KIF21B: variants seen among roughly 807,000 people sequenced by gnomAD.
KIF21B encodes the protein kinesin-like protein KIF21B.
A neutral mutation model predicts 192.9 loss-of-function variants in KIF21B; 85 were observed. The ratio of observed to expected loss-of-function variants is 0.44; its 90% CI spans 0.37 to 0.53. The LOEUF is 0.53. KIF21B is among the 20% of genes least tolerant of loss of function. The pLI is 0.00. For synonymous variants in KIF21B, 832 were observed against 884.6 expected (o/e 0.94, Z 1.05); for missense variants, 1,716 against 2,194.8 (o/e 0.78, Z 4.36).
chr1:201,016,916 C>T (rs903437020), intron 1 of KIF21B, among the ~76,000 whole-genome samples: 4 of 152,206 alleles, frequency 2.6e-5, no homozygotes, highest in African/African-American at 9.7e-5. Context: ...TGTCAATTCT[C>T]TCTGCCTGAT....
chr1:200,991,492 C>T (rs780218318), intron 17 of KIF21B, among the ~76,000 whole-genome samples, 165 bp downstream of exon 17: 5 of 152,256 alleles, frequency 3.3e-5, no homozygotes, highest in Non-Finnish European at 5.9e-5. Flanking sequence ...GGGCCACAGG[C>T]AGGGCTTGCT....
intron 31 of KIF21B, 124 bp from the exon 32 acceptor site, chr1:200,977,017 C>T (rs1655597560): frequency 1.0e-6 from 1 of 969,884 alleles, no homozygotes; most frequent in Non-Finnish European, 1.5e-6. Context: ...TCGCTCAAGG[C>T]AAGATCAAGA....
In KIF21B at chr1:200,990,062, G is replaced by C. The variant is rs1571929876; in HGVS notation, c.3031-19C>G. ...GCTCCTCCTAGGACCGGGAGGCAGAGAGCCCCGTCACCTGGGGCTACCCCT... is the reference window on the plus strand; with the variant it reads ...GCTCCTCCTAGGACCGGGAGGCAGACAGCCCCGTCACCTGGGGCTACCCCT... On this transcript the variant is annotated intron_variant, in intron 20 of 34. Transcript: ENST00000461742. The surrounding 1 kb of genome is among the most constrained non-coding windows in gnomAD (Gnocchi z 5.4). 1 of 1,612,650 alleles carries C rather than the reference G, an allele frequency of 6.2e-7. No homozygotes were observed. Among genetic ancestry groups the C allele is most frequent in the Non-Finnish European group, 8.5e-7 (1 of 1,179,016 alleles).
At chr1:201,006,425 A>G (rs968295230) in intron 3 of KIF21B, among the ~76,000 whole-genome samples, 2 of 152,184 alleles carry the variant, frequency 1.3e-5, no homozygotes, top group African/African-American at 4.8e-5. Context: ...GAGTGGAATA[A>G]GGGATGGGGG....
At chr1:201,022,206 G>A (rs1472499035) in intron 1 of KIF21B, among the ~76,000 whole-genome samples, 1 of 152,174 alleles carries the variant, frequency 6.6e-6, no homozygotes, top group African/African-American at 2.4e-5. Context: ...CTTTTTCATT[G>A]CCATCTCTGA....
Position 200,973,296 on chromosome 1 carries a change from A to G in KIF21B, c.*225T>C. 1 of 491,674 alleles carries G rather than the reference A, an allele frequency of 2.0e-6. No individual in the cohort carries two copies. Among genetic ancestry groups the G allele is most frequent in the Non-Finnish European group, 3.4e-6 (1 of 297,664 alleles). 30.5% of individuals were successfully genotyped at this position (491,674 alleles called of 1,614,324 possible). On this transcript the variant is annotated 3_prime_UTR_variant, in exon 35 of 35. Coordinates refer to ENST00000461742, the MANE Select transcript of KIF21B (RefSeq NM_001252102.2). Reference sequence around the variant, plus strand: ...TAATGCCCTTTGGCTTCACAGCTTAATTTCCTCCCCAGCCTCTCTCTCACC... The same window carrying G: ...TAATGCCCTTTGGCTTCACAGCTTAGTTTCCTCCCCAGCCTCTCTCTCACC...
chr1:200,987,961 T>TA (rs1464118492), intron 24 of KIF21B, among the ~76,000 whole-genome samples: 1 of 152,180 alleles, frequency 6.6e-6, no homozygotes, highest in African/African-American at 2.4e-5. Flanking sequence ...GGTTTTGACT[T>TA]AGAGTGTGAG....
intron 28 of KIF21B, 100 bp from the exon 29 acceptor site, chr1:200,981,196 G>T: frequency 7.8e-7 from 1 of 1,284,050 alleles, no homozygotes; most frequent in Non-Finnish European, 1.0e-6. Context: ...GGCAGGGAGG[G>T]GATGAGGACC....
In KIF21B at chr1:200,975,088, G is replaced by A. The variant is rs1410378793; in HGVS notation, c.4615-175C>T. On this transcript the variant is annotated intron_variant, in intron 33 of 34. Transcript: ENST00000461742. The surrounding 1 kb of genome is among the most constrained non-coding windows in gnomAD (Gnocchi z 4.3). The stretch of plus-strand genomic sequence containing the variant: ...CATGCTGGGGTGGCCTGTGCTGTGG[G>A]CTTTAGGGGACCAGAGATGGGTCCC... Among the ~76,000 whole-genome samples the A allele has an allele frequency of 3.9e-5, 6 of 152,222 alleles. No homozygotes were observed. The highest frequency in any genetic ancestry group is 8.8e-5 in the Non-Finnish European group (6 of 68,036).
rs1438986304 is a variant in KIF21B, at chr1:201,005,400, C to T, written c.640G>A (p.Ala214Thr). 1 of 1,613,210 alleles carries T rather than the reference C, an allele frequency of 6.2e-7. No individual in the cohort carries two copies. The highest frequency in any genetic ancestry group is 1.7e-5 in the Admixed American group (1 of 59,902). The change falls in exon 5 of 35, where the codon GCC becomes ACC. Residue 214 changes from alanine to threonine, a missense_variant. By Grantham distance (58) the Ala-to-Thr change is moderately conservative (BLOSUM62 0). Transcript: ENST00000461742. ...LKQGALSRTT[A>T]STQMNVQSSR... ...CTCTGCACGTTCATCTGGGTGCTGG[C>T]TGTGGTGCGGGACAGGGCCCCCTGC...
Position 201,004,816 on chromosome 1 carries a change from C to T in KIF21B, c.850G>A (p.Gly284Arg). Residue 284 changes from glycine to arginine, a missense_variant, in exon 6 of 35, where the codon GGG becomes AGG. Gly to Arg is a moderately radical substitution (Grantham distance 125). Transcript: ENST00000461742. ...TCCTTGGCCCGCTCGCCAGTAGCCC[C>T]TGTCCGCTTCAGCCGCTCTGAGCCG... ...LAGSERLKRT[G>R]ATGERAKEGI... 6.2e-7 allele frequency: 1 copy of T among 1,614,160 alleles called. No individual in the cohort carries two copies. The highest frequency in any genetic ancestry group is 8.5e-7 in the Non-Finnish European group (1 of 1,180,040).
chr1:201,013,757 G>A (rs1658355853), intron 1 of KIF21B, among the ~76,000 whole-genome samples: 1 of 152,210 alleles, frequency 6.6e-6, no homozygotes. Flanking sequence ...AAGGAGGCAA[G>A]GAAAAACCTC....
At chr1:200,986,423 T>C (rs1656307927) in intron 26 of KIF21B, among the ~76,000 whole-genome samples, 1 of 151,280 alleles carries the variant, frequency 6.6e-6, no homozygotes. Context: ...AGTGGCACGA[T>C]CTCAGCTCAC....
At chr1:200,988,226 G>A in intron 24 of KIF21B, 70 bp downstream of exon 24, 1 of 1,410,592 alleles carries the variant, frequency 7.1e-7, no homozygotes, top group South Asian at 1.1e-5. Context: ...CAGAGCCACA[G>A]TAAGCGGTGA....
intron 1 of KIF21B, among the ~76,000 whole-genome samples, chr1:201,013,405 C>A (rs1658338558): frequency 6.6e-6 from 1 of 152,184 alleles, no homozygotes; most frequent in Non-Finnish European, 1.5e-5. Context: ...GTGACAGTGG[C>A]CTACTTGGCC....
In KIF21B at chr1:201,017,323, C is replaced by T. The variant is rs117548661; in HGVS notation, c.41+6020G>A. Among the ~76,000 whole-genome samples, 121 of 152,332 alleles carry T rather than the reference C, an allele frequency of 7.9e-4. No individual in the cohort carries two copies. In the East Asian group the frequency reaches 0.018, roughly 22 times the overall value. On this transcript the variant is annotated intron_variant, in intron 1 of 34. Coordinates refer to ENST00000461742, the MANE Select transcript of KIF21B (RefSeq NM_001252102.2). The surrounding 1 kb of genome is among the most constrained non-coding windows in gnomAD (Gnocchi z 4.1). Reference sequence around the variant, plus strand: ...TATCCCCAGCCTGCCATTGGCCACACAAGCCTGGCTGTGAGCAGGAGCCAG... The same window carrying T: ...TATCCCCAGCCTGCCATTGGCCACATAAGCCTGGCTGTGAGCAGGAGCCAG...
At chr1:201,020,820 C>CACACACACACAA (rs1484986342) in intron 1 of KIF21B, among the ~76,000 whole-genome samples, 1 of 151,604 alleles carries the variant, frequency 6.6e-6, no homozygotes, top group African/African-American at 2.4e-5. Context: ...CACACACACA[C>CACACACACACAA]ACACACACAC....
At chr1:200,973,899 T>C (rs1471166801) in intron 34 of KIF21B, 7 of 1,482,512 alleles carry the variant, frequency 4.7e-6, no homozygotes, top group Non-Finnish European at 6.2e-6. Context: ...CCACTGTTCA[T>C]GCTTGGAAAA....
chr1:201,000,302 C>A lies in KIF21B; in HGVS notation c.1685+88G>T, dbSNP rs562691949. 4.6e-6 allele frequency: 6 copies of A among 1,318,110 alleles called. No individual in the cohort carries two copies. Among genetic ancestry groups the A allele is most frequent in the Non-Finnish European group, 6.2e-6 (6 of 967,268 alleles). The allele number at this position is 1,318,110 out of a possible 1,614,324, so 81.7% of individuals were successfully genotyped here. A position where few individuals can be genotyped will look rare whatever the true frequency, so the allele number is the denominator to read the frequency against. On this transcript the variant is annotated intron_variant, in intron 11 of 34. Transcript: ENST00000461742. This position sits in a 1 kb window ranked among gnomAD's most constrained non-coding sequence, Gnocchi z 6.0. The stretch of plus-strand genomic sequence containing the variant: ...GGGCGTGGAGGTTCCCTCCTAAACA[C>A]TGGTGGGCAGCAGTCCTCCTTGGGG...
Sources: allele counts gnomAD v4.1 joint callset (sites outside exome capture counted in the v4.1 genomes callset), GRCh38; gene constraint gnomAD v4.1.1; non-coding constraint Gnocchi (gnomAD v3.1); transcripts MANE v1.5; gene names NCBI Gene and HGNC (gene_info 2026-07-23, HGNC 2026-07-21).